ST6GALNAC3: variants seen among roughly 807,000 people sequenced by gnomAD.
ST6GALNAC3 encodes the protein ST6 N-acetylgalactosaminide alpha-2,6-sialyltransferase 3.
In ST6GALNAC3, 25 loss-of-function variants were observed where a neutral mutation model predicts 32.7. The observed-to-expected ratio is 0.76, with a 90% CI of 0.56 to 1.07. The LOEUF (loss-of-function observed/expected upper bound fraction) is 1.07. Among genes scored for constraint, ST6GALNAC3 ranks in the 50% least tolerant of loss-of-function variants. ST6GALNAC3 has a pLI of 0.00. For synonymous variants in ST6GALNAC3, 129 were observed against 133.1 expected, an observed-to-expected ratio of 0.97 and a Z score of 0.21; for missense variants, 355 against 382.4, an observed-to-expected ratio of 0.93 and a Z score of 0.60.
rs371361760 is a variant in ST6GALNAC3 at position 76,627,533 on chromosome 1, C to T, written c.705C>T (p.Tyr235=). The T allele has an allele frequency of 6.3e-5, 101 of 1,612,416 alleles. No homozygotes were observed. Among genetic ancestry groups the T allele is most frequent in the Non-Finnish European group, 7.1e-5 (84 of 1,178,828 alleles). ...AMDACYGIHV[Y]GMINDTYCKT... is the part of the protein sequence containing the mutation. ...ACGCCTGTTATGGCATTCACGTCTACGGGATGATAAATGACACCTACTGCA... is the reference window on the plus strand; with the variant it reads ...ACGCCTGTTATGGCATTCACGTCTATGGGATGATAAATGACACCTACTGCA... The change falls in exon 4 of 5, where the codon TAC becomes TAT. Residue 235 remains tyrosine, a synonymous_variant. Coordinates refer to ENST00000328299, the MANE Select transcript of ST6GALNAC3 (RefSeq NM_152996.4).
intron 1 of ST6GALNAC3, among the ~76,000 whole-genome samples, chr1:76,118,672 G>T (rs1165721817): frequency 6.6e-6 from 1 of 152,144 alleles, no homozygotes; most frequent in African/African-American, 2.4e-5. Flanking sequence ...TACAGTTAGA[G>T]ACTTTTACAA....
chr1:76,144,089 G>C (rs756436985), intron 1 of ST6GALNAC3, among the ~76,000 whole-genome samples: 2 of 152,084 alleles, frequency 1.3e-5, no homozygotes, highest in Non-Finnish European at 2.9e-5. Flanking sequence ...AAATGAACCA[G>C]GTCTCTCAAA....
At chr1:76,614,813 C>T (rs1354786448) in intron 3 of ST6GALNAC3, among the ~76,000 whole-genome samples, 2 of 150,596 alleles carry the variant, frequency 1.3e-5, no homozygotes, top group African/African-American at 4.9e-5. Context: ...AATCTATTAC[C>T]GGTAGCAATG....
At chr1:76,598,867 T>C (rs1010788402) in intron 3 of ST6GALNAC3, among the ~76,000 whole-genome samples, 1 of 152,228 alleles carries the variant, frequency 6.6e-6, no homozygotes, top group African/African-American at 2.4e-5. Context: ...CCTAAACTTA[T>C]ATAAAAATAA....
intron 3 of ST6GALNAC3, among the ~76,000 whole-genome samples, chr1:76,469,565 G>C (rs1256477528): frequency 6.6e-6 from 1 of 152,078 alleles, no homozygotes; most frequent in Non-Finnish European, 1.5e-5. Flanking sequence ...TGGAACAGTT[G>C]TTTCTTGGTA....
intron 3 of ST6GALNAC3, among the ~76,000 whole-genome samples, chr1:76,506,828 G>T (rs1393361430): frequency 6.6e-5 from 10 of 152,180 alleles, no homozygotes; most frequent in Non-Finnish European, 1.5e-4. Flanking sequence ...ATGTAGGGAA[G>T]GCCGTGGAGA....
At chr1:76,452,824 C>T (rs1228713712) in intron 3 of ST6GALNAC3, among the ~76,000 whole-genome samples, 1 of 152,092 alleles carries the variant, frequency 6.6e-6, no homozygotes, top group Non-Finnish European at 1.5e-5. Flanking sequence ...CTCTCTTTCT[C>T]TATCTTATGG....
intron 2 of ST6GALNAC3, among the ~76,000 whole-genome samples, chr1:76,393,016 G>C (rs1242384340): frequency 6.6e-6 from 1 of 152,080 alleles, no homozygotes; most frequent in Non-Finnish European, 1.5e-5. Flanking sequence ...ACACTTCACT[G>C]CCATCTGGTT....
chr1:76,337,102 G>C (rs1647546151), intron 2 of ST6GALNAC3, among the ~76,000 whole-genome samples: 1 of 152,162 alleles, frequency 6.6e-6, no homozygotes, highest in Admixed American at 6.5e-5. Context: ...GGTCCCTTAG[G>C]CACAGAGGCC....
chr1:76,350,446 G>A (rs1020200780), intron 2 of ST6GALNAC3, among the ~76,000 whole-genome samples: 1 of 152,064 alleles, frequency 6.6e-6, no homozygotes, highest in Non-Finnish European at 1.5e-5. Flanking sequence ...ATTTTTAAAG[G>A]AATAACTACT....
intron 3 of ST6GALNAC3, among the ~76,000 whole-genome samples, chr1:76,434,694 A>C (rs1219172473): frequency 6.6e-6 from 1 of 152,092 alleles, no homozygotes; most frequent in Non-Finnish European, 1.5e-5. Context: ...TCTTCATGTT[A>C]AATTAAATAC....
rs955438614 is a variant in ST6GALNAC3 at position 76,611,084 on chromosome 1, C to T, written c.624-16368C>T. ...CAGGTGAGGTATATATATATATATA[C>T]ACACACACATATATCCTTAGGCACT... On this transcript the variant is annotated intron_variant, in intron 3 of 4. Transcript: ENST00000328299. 3.5e-4 allele frequency among the ~76,000 whole-genome samples: 50 copies of T among 142,880 alleles called. 2 individuals carry two copies. Among genetic ancestry groups the T allele is most frequent in the African/African-American group, 1.3e-3 (48 of 36,582 alleles). The allele number at this position is 142,880 out of a possible 152,430, so 93.7% of individuals were successfully genotyped here.
chr1:76,242,823 A>G (rs1465293542), intron 1 of ST6GALNAC3, among the ~76,000 whole-genome samples: 1 of 152,148 alleles, frequency 6.6e-6, no homozygotes, highest in Admixed American at 6.5e-5. Flanking sequence ...CATGGTGTGT[A>G]TGTACCACAT....
At chr1:76,584,371 T>C (rs17631994) in intron 3 of ST6GALNAC3, among the ~76,000 whole-genome samples, 30,896 of 152,182 alleles carry the variant, frequency 0.2, 3,262 homozygotes, top group Middle Eastern at 0.27. Flanking sequence ...GTAAGCCTGT[T>C]GATCCATGAA....
chr1:76,153,583 A>G (rs763247459), intron 1 of ST6GALNAC3, among the ~76,000 whole-genome samples: 1 of 152,192 alleles, frequency 6.6e-6, no homozygotes, highest in Non-Finnish European at 1.5e-5. Context: ...TTAATAAAAC[A>G]TGGCATGAAT....
chr1:76,270,469 T>G (rs1355899007), intron 1 of ST6GALNAC3, among the ~76,000 whole-genome samples: 1 of 128,902 alleles, frequency 7.8e-6, no homozygotes, highest in Non-Finnish European at 1.5e-5. Flanking sequence ...ATCGCACCAC[T>G]GCACTCCAGC....
chr1:76,551,123 T>A (rs1282869091), intron 3 of ST6GALNAC3, among the ~76,000 whole-genome samples: 1 of 152,192 alleles, frequency 6.6e-6, no homozygotes, highest in African/African-American at 2.4e-5. Flanking sequence ...AGTCATAGTG[T>A]GAGTATCAGC....
intron 3 of ST6GALNAC3, among the ~76,000 whole-genome samples, chr1:76,567,565 A>T (rs935428260): frequency 6.6e-6 from 1 of 152,228 alleles, no homozygotes; most frequent in South Asian, 2.1e-4. Flanking sequence ...CTATGCAGCC[A>T]CTTCACCAGA....
At position 76,155,420 on chromosome 1, in the gene ST6GALNAC3, A is replaced by G. The variant is rs558238343; in HGVS notation, c.18+80536A>G. On this transcript the variant is annotated intron_variant, in intron 1 of 4. Transcript: ENST00000328299. ...TTGTTTCAAACAGCTTTAGATTTGC[A>G]GAAAAACTATGAATATAGCAAGAGT... is the stretch of plus-strand genomic sequence containing the variant. 1.6e-4 allele frequency among the ~76,000 whole-genome samples: 25 copies of G among 152,326 alleles called. No homozygotes were observed. The South Asian group carries it at 4.8e-3, about 29-fold the overall frequency.
Sources: gnomAD v4.1 joint callset for allele counts (sites outside exome capture counted in the v4.1 genomes callset) on GRCh38, gnomAD v4.1.1 for gene constraint, MANE v1.5 for transcripts, NCBI Gene and HGNC (gene_info 2026-07-23, HGNC 2026-07-21) for gene names.